The following ZSCAN25 variants were observed in gnomAD, a reference collection of about 807,000 sequenced individuals.
ZSCAN25 encodes the protein zinc finger and SCAN domain containing 25.
ZSCAN25 carries 27 observed loss-of-function variants against 38.7 expected under a neutral mutation model. The observed-to-expected ratio is 0.70, with a 90% CI of 0.51 to 0.96. The LOEUF is 0.96. Among genes scored for constraint, ZSCAN25 ranks in the 40% least tolerant of loss-of-function variants. The probability of loss-of-function intolerance (pLI) is 0.00; values close to 1 mark genes in which losing one functional copy is unlikely to be tolerated. For missense variants in ZSCAN25, 637 were observed against 705.9 expected, an observed-to-expected ratio of 0.90 and a Z score of 1.11; for synonymous variants, 273 against 277.7, an observed-to-expected ratio of 0.98 and a Z score of 0.17.
At chr7:99,664,285 C>T in the ZSCAN25 span, among the ~76,000 whole-genome samples, 1 of 152,200 alleles carries the variant, frequency 6.6e-6, no homozygotes, top group East Asian at 1.9e-4. Context: ...ACATAGGAAA[C>T]ACCACTACAG....
At chr7:99,686,441 G>A in the ZSCAN25 span, among the ~76,000 whole-genome samples, 15 of 152,316 alleles carry the variant, frequency 9.8e-5, no homozygotes, top group East Asian at 5.8e-4. Flanking sequence ...ACTGCAAGGC[G>A]GCAGTGAGGC....
the ZSCAN25 span, among the ~76,000 whole-genome samples, chr7:99,698,445 C>T: frequency 1.1e-4 from 16 of 152,150 alleles, no homozygotes; most frequent in Non-Finnish European, 1.9e-4. Flanking sequence ...TTACTTCATA[C>T]GGATCCTACG....
the ZSCAN25 span, chr7:99,672,634 G>T: frequency 5.6e-6 from 9 of 1,614,058 alleles, no homozygotes; most frequent in African/African-American, 1.3e-5. Flanking sequence ...TTCTGATCAC[G>T]TCGGGATCTG....
At chr7:99,669,807 C>T in the ZSCAN25 span, among the ~76,000 whole-genome samples, 1 of 152,102 alleles carries the variant, frequency 6.6e-6, no homozygotes, top group Non-Finnish European at 1.5e-5. Flanking sequence ...TATGTTAAAG[C>T]AATTTTCTTT....
chr7:99,643,053 T>C, the ZSCAN25 span, among the ~76,000 whole-genome samples: 1 of 152,344 alleles, frequency 6.6e-6, no homozygotes, highest in South Asian at 2.1e-4. Flanking sequence ...AATGATTTTT[T>C]AATGTAGGTA....
the ZSCAN25 span, chr7:99,717,096 A>G: frequency 8.2e-6 from 13 of 1,588,086 alleles, no homozygotes; most frequent in South Asian, 1.1e-5. Context: ...GAATAACCCA[A>G]CAGCGGGAGT....
At chr7:99,698,814 A>G in the ZSCAN25 span, among the ~76,000 whole-genome samples, 2 of 152,248 alleles carry the variant, frequency 1.3e-5, no homozygotes, top group Admixed American at 6.5e-5. Context: ...TGATTTAAAA[A>G]TGAATGAATT....
chr7:99,702,746 A>G, the ZSCAN25 span, among the ~76,000 whole-genome samples: 1 of 152,172 alleles, frequency 6.6e-6, no homozygotes, highest in Non-Finnish European at 1.5e-5. Context: ...TTGTGGTTCT[A>G]TAGAAATGTT....
chr7:99,705,104 A>G, the ZSCAN25 span: 1 of 208,966 alleles, frequency 4.8e-6, no homozygotes, highest in Non-Finnish European at 9.8e-6. Context: ...TACAGATATA[A>G]CACATGATAT....
chr7:99,647,286 A>C, the ZSCAN25 span, among the ~76,000 whole-genome samples: 3 of 152,208 alleles, frequency 2.0e-5, no homozygotes, highest in African/African-American at 7.2e-5. Flanking sequence ...GCACACTTGG[A>C]ATCTGACTTG....
At chr7:99,675,645 C>CCTCCCCACTCCTCT in the ZSCAN25 span, among the ~76,000 whole-genome samples, 1 of 246 alleles carries the variant, frequency 4.1e-3, no homozygotes, top group Non-Finnish European at 0.011. Context: ...TCCTCTCCTC[C>CCTCCCCACTCCTCT]CCCCTCCCCT....
chr7:99,654,614 G>T, the ZSCAN25 span, among the ~76,000 whole-genome samples: 6 of 152,176 alleles, frequency 3.9e-5, no homozygotes, highest in South Asian at 1.0e-3. Flanking sequence ...GGATGGCTGG[G>T]TCAAATGGTA....
downstream of ZSCAN25, among the ~76,000 whole-genome samples, chr7:99,634,751 C>T (rs1030385358): frequency 6.6e-6 from 1 of 152,222 alleles, no homozygotes; most frequent in East Asian, 1.9e-4. Context: ...GAGCCGAGAT[C>T]GCACCACTGC....
the ZSCAN25 span, among the ~76,000 whole-genome samples, chr7:99,678,280 C>G: frequency 2.6e-5 from 4 of 152,302 alleles, no homozygotes; most frequent in Admixed American, 2.6e-4. Flanking sequence ...GAGTGACCTC[C>G]ACGGTGGGGC....
the ZSCAN25 span, chr7:99,705,472 A>C: frequency 6.2e-7 from 1 of 1,611,522 alleles, no homozygotes; most frequent in Non-Finnish European, 8.5e-7. Context: ...AGCTTTCTTA[A>C]AGAGCAAACC....
rs1271331607 is a variant in ZSCAN25 at position 99,621,481 on chromosome 7, C to G, written c.496C>G (p.Pro166Ala). 3 of 1,576,350 alleles carry G rather than the reference C, an allele frequency of 1.9e-6. No homozygotes were observed. The highest frequency in any genetic ancestry group is 2.6e-6 in the Non-Finnish European group (3 of 1,156,714). The change falls in exon 5 of 8, where the codon CCC becomes GCC. Residue 166 changes from proline (P) to alanine (A), a missense_variant. Coordinates refer to ENST00000394152, the MANE Select transcript of ZSCAN25 (RefSeq NM_145115.3). ...GGAGGTCAAGCCTGAATGGGGGATG[C>G]CCCCTGGGGAAGGAGTTCAAGGTCC... ...PVEVKPEWGMPPGEGVQGPDP... is the reference protein window; with the variant it reads ...PVEVKPEWGMAPGEGVQGPDP...
the ZSCAN25 span, chr7:99,647,750 C>A: frequency 0.015 from 15,262 of 985,382 alleles, 130 homozygotes; most frequent in Middle Eastern, 0.05. Context: ...AGGCCCCACA[C>A]CAACAGTGAT....
chr7:99,633,147 A>C (rs145461027), downstream of ZSCAN25, among the ~76,000 whole-genome samples: 2 of 152,078 alleles, frequency 1.3e-5, no homozygotes, highest in Non-Finnish European at 2.9e-5. Flanking sequence ...CACCATGCCC[A>C]GCTAATCATT....
the ZSCAN25 span, among the ~76,000 whole-genome samples, chr7:99,656,511 C>A: frequency 6.6e-6 from 1 of 152,058 alleles, no homozygotes; most frequent in Non-Finnish European, 1.5e-5. Context: ...TTTTGTATCA[C>A]TGTTCATCAG....
Sources: gnomAD v4.1 joint callset for allele counts (sites outside exome capture counted in the v4.1 genomes callset) on GRCh38, gnomAD v4.1.1 for gene constraint, MANE v1.5 for transcripts, NCBI Gene and HGNC (gene_info 2026-07-23, HGNC 2026-07-21) for gene names.